The following RGS7 variants were observed in gnomAD, a reference collection of about 807,000 sequenced individuals.
The protein encoded by RGS7 is regulator of G protein signaling 7, also known as regulator of G-protein signaling 7.
In RGS7, 27 loss-of-function variants were observed where a neutral mutation model predicts 81.1. The ratio of observed to expected loss-of-function variants is 0.33; its 90% CI spans 0.25 to 0.46. RGS7 has a LOEUF of 0.46. Among genes scored for constraint, RGS7 ranks in the 20% least tolerant of loss-of-function variants. The probability of loss-of-function intolerance (pLI) is 1.00; values close to 1 mark genes in which losing one functional copy is unlikely to be tolerated. For missense variants in RGS7, 396 were observed against 607.4 expected (o/e 0.65, Z 3.66); for synonymous variants, 208 against 207.7 (o/e 1.00, Z -0.01).
chr1:240,794,127 CATT>C (rs1458260361), intron 18 of RGS7, among the ~76,000 whole-genome samples: 1 of 152,032 alleles, frequency 6.6e-6, no homozygotes, highest in Non-Finnish European at 1.5e-5. Flanking sequence ...TAATCTGCCT[CATT>C]ATGATGGGTG....
At chr1:241,189,958 C>T (rs1488242674) in intron 2 of RGS7, among the ~76,000 whole-genome samples, 1 of 152,098 alleles carries the variant, frequency 6.6e-6, no homozygotes, top group African/African-American at 2.4e-5. Flanking sequence ...AAAAATTTAG[C>T]CGGGCGCGGT....
intron 2 of RGS7, among the ~76,000 whole-genome samples, chr1:241,293,194 C>T (rs1438919379): frequency 1.3e-5 from 2 of 152,196 alleles, no homozygotes; most frequent in African/African-American, 4.8e-5. Flanking sequence ...AAAGTTGTAG[C>T]ACAATGCATT....
intron 3 of RGS7, among the ~76,000 whole-genome samples, chr1:241,077,466 T>TG (rs1259776145): frequency 6.6e-6 from 1 of 152,202 alleles, no homozygotes; most frequent in Non-Finnish European, 1.5e-5. Context: ...TGTCAAGATC[T>TG]GGCCTGGGTT....
intron 3 of RGS7, among the ~76,000 whole-genome samples, chr1:241,010,471 T>G (rs1254140592): frequency 6.6e-6 from 1 of 152,208 alleles, no homozygotes; most frequent in Non-Finnish European, 1.5e-5. Context: ...GATCAAGAAC[T>G]CTGCTCTGTG....
At chr1:241,169,145 A>G (rs559756597) in intron 2 of RGS7, among the ~76,000 whole-genome samples, 49 of 152,280 alleles carry the variant, frequency 3.2e-4, no homozygotes, top group African/African-American at 1.1e-3. Context: ...GCAATAGGAT[A>G]CTATACATAC....
intron 18 of RGS7, among the ~76,000 whole-genome samples, chr1:240,790,010 CT>C (rs1199020771): frequency 2.0e-5 from 3 of 152,156 alleles, no homozygotes; most frequent in African/African-American, 7.2e-5. Flanking sequence ...CTCTTTTGTA[CT>C]CTGTCCCTTT....
chr1:240,883,033 T>C (rs529890868), intron 6 of RGS7, among the ~76,000 whole-genome samples: 2 of 152,272 alleles, frequency 1.3e-5, no homozygotes, highest in South Asian at 2.1e-4. Context: ...AGAATGATGG[T>C]TTCCAGTTTC....
chr1:240,793,611 A>ATATATTTTTTTTTTTTT lies in RGS7; in HGVS notation c.*6+7029_*6+7030insAAAAAAAAAAAAATATA. ...AATATATATATATATATATATATAT[A>ATATATTTTTTTTTTTTT]TTTTTTTTTTTTTTTTGAGACAGAG... On this transcript the variant is annotated intron_variant, in intron 18 of 18. Transcript: ENST00000440928. Among the ~76,000 whole-genome samples the ATATATTTTTTTTTTTTT allele has an allele frequency of 1.7e-3, 130 of 78,774 alleles. 5 individuals carry two copies. The highest frequency in any genetic ancestry group is 0.012 in the African/African-American group (122 of 10,270). The allele number at this position is 78,774 out of a possible 152,430, so 51.7% of individuals were successfully genotyped here. A position where few individuals can be genotyped will look rare whatever the true frequency, so the allele number is the denominator to read the frequency against.
chr1:241,161,129 A>G (rs2069623746), intron 2 of RGS7, among the ~76,000 whole-genome samples: 1 of 152,202 alleles, frequency 6.6e-6, no homozygotes, highest in Admixed American at 6.5e-5. Context: ...AATAGAAATT[A>G]CATCATTCCA....
At chr1:241,030,377 T>TATATATATATATATATATATATATAC (rs71793632) in intron 3 of RGS7, among the ~76,000 whole-genome samples, 17 of 137,438 alleles carry the variant, frequency 1.2e-4, no homozygotes, top group South Asian at 2.3e-4. Context: ...TATATATACA[T>TATATATATATATATATATATATATAC]ACACACATAC....
intron 15 of RGS7, among the ~76,000 whole-genome samples, chr1:240,805,219 A>AAT (rs1403365690): frequency 1.3e-5 from 2 of 151,348 alleles, no homozygotes; most frequent in Admixed American, 6.6e-5. Context: ...TCTCTACAAA[A>AAT]AAAAATAAAA....
chr1:241,106,958 A>C (rs2065162001), intron 2 of RGS7, among the ~76,000 whole-genome samples: 1 of 152,078 alleles, frequency 6.6e-6, no homozygotes, highest in Non-Finnish European at 1.5e-5. Flanking sequence ...CTCCACTGAA[A>C]ATAAATAAAC....
At chr1:241,277,034 G>A (rs1424005625) in intron 2 of RGS7, among the ~76,000 whole-genome samples, 1 of 152,110 alleles carries the variant, frequency 6.6e-6, no homozygotes, top group African/African-American at 2.4e-5. Flanking sequence ...ATACAAAATA[G>A]CATCCTACTG....
chr1:241,273,969 A>G (rs1305134760), intron 2 of RGS7, among the ~76,000 whole-genome samples: 1 of 152,180 alleles, frequency 6.6e-6, no homozygotes, highest in East Asian at 1.9e-4. Context: ...TGCAGCCACC[A>G]AAAGTTGGGC....
At chr1:240,942,452 G>A (rs1677750519) in intron 4 of RGS7, among the ~76,000 whole-genome samples, 1 of 152,110 alleles carries the variant, frequency 6.6e-6, no homozygotes, top group African/African-American at 2.4e-5. Context: ...TTAATAAAAT[G>A]CCTCTGAGTC....
chr1:241,210,443 C>T (rs981173745), intron 2 of RGS7, among the ~76,000 whole-genome samples: 2 of 152,104 alleles, frequency 1.3e-5, no homozygotes, highest in African/African-American at 2.4e-5. Context: ...CCACCACGCC[C>T]GGCTCCAGGA....
At chr1:241,038,479 T>C (rs115238133) in intron 3 of RGS7, among the ~76,000 whole-genome samples, 163 of 152,248 alleles carry the variant, frequency 1.1e-3, no homozygotes, top group African/African-American at 3.7e-3. Flanking sequence ...AAAGAAGCAA[T>C]GAAAGCAGAT....
At chr1:241,214,823 T>C (rs948260832) in intron 2 of RGS7, among the ~76,000 whole-genome samples, 3 of 152,178 alleles carry the variant, frequency 2.0e-5, no homozygotes, top group Non-Finnish European at 4.4e-5. Flanking sequence ...TCATCTATTA[T>C]ATATTTCAGT....
chr1:241,200,893 C>T (rs1341347859), intron 2 of RGS7, among the ~76,000 whole-genome samples: 1 of 152,150 alleles, frequency 6.6e-6, no homozygotes, highest in Admixed American at 6.5e-5. Context: ...CCTCCATGTC[C>T]AGACTTCCAA....
Sources: allele counts gnomAD v4.1 joint callset (sites outside exome capture counted in the v4.1 genomes callset), GRCh38; gene constraint gnomAD v4.1.1; transcripts MANE v1.5; gene names NCBI Gene and HGNC (gene_info 2026-07-23, HGNC 2026-07-21).